The following WDR70 variants were observed in gnomAD, a reference collection of about 807,000 sequenced individuals.
WDR70 encodes the protein WD repeat-containing protein 70.
Under a neutral mutation model 88.6 loss-of-function variants are expected in WDR70, and 53 were observed. The ratio of observed to expected loss-of-function variants is 0.60; its 90% CI spans 0.48 to 0.75. The LOEUF is 0.75. Ranked by LOEUF, WDR70 falls within the 30% of genes least tolerant of loss-of-function variation. WDR70 has a pLI of 0.00. For synonymous variants in WDR70, 280 were observed against 270.0 expected, an observed-to-expected ratio of 1.04 and a Z score of -0.36; for missense variants, 610 against 823.2, an observed-to-expected ratio of 0.74 and a Z score of 3.17.
intron 10 of WDR70, among the ~76,000 whole-genome samples, chr5:37,682,567 C>G (rs1326997591): frequency 1.3e-5 from 2 of 151,974 alleles, no homozygotes; most frequent in Admixed American, 6.6e-5. Context: ...GGGTGTTTAG[C>G]GCTATAAATT....
At chr5:37,599,281 A>G (rs1743793148) in intron 9 of WDR70, among the ~76,000 whole-genome samples, 1 of 152,248 alleles carries the variant, frequency 6.6e-6, no homozygotes, top group African/African-American at 2.4e-5. Flanking sequence ...CAATTTTTAT[A>G]CATGTACACA....
intron 11 of WDR70, among the ~76,000 whole-genome samples, chr5:37,698,572 G>A (rs1027059606): frequency 6.6e-6 from 1 of 152,170 alleles, no homozygotes; most frequent in Non-Finnish European, 1.5e-5. Flanking sequence ...GCTATATTTA[G>A]CTATTCATTC....
At position 37,567,772 on chromosome 5, in the gene WDR70, T is replaced by G. The variant is rs142896736; in HGVS notation, c.918-37292T>G. 7.1e-4 allele frequency among the ~76,000 whole-genome samples: 108 copies of G among 152,258 alleles called. 3 individuals are homozygous for G. In the East Asian group the frequency reaches 0.02, roughly 28 times the overall value. ...TTTCAGCCTTGGCAGATCGCAGTGT[T>G]CTATCTTTGTCTCTAAAATCCACAT... On this transcript the variant is annotated intron_variant, in intron 9 of 17. Coordinates refer to ENST00000265107, the MANE Select transcript of WDR70 (RefSeq NM_018034.4).
intron 10 of WDR70, among the ~76,000 whole-genome samples, chr5:37,650,676 A>C (rs1745377071): frequency 6.6e-6 from 1 of 152,156 alleles, no homozygotes; most frequent in Non-Finnish European, 1.5e-5. Flanking sequence ...GAATAGAATG[A>C]GATTTTAATT....
intron 9 of WDR70, among the ~76,000 whole-genome samples, chr5:37,561,025 G>A (rs1742487970): frequency 6.6e-6 from 1 of 151,684 alleles, no homozygotes; most frequent in African/African-American, 2.4e-5. Context: ...CGGCCATGTG[G>A]TACACCTATG....
At chr5:37,723,182 A>G in intron 15 of WDR70, 1 of 501,034 alleles carries the variant, frequency 2.0e-6, no homozygotes, top group Non-Finnish European at 3.6e-6. Context: ...AGTCCAATAC[A>G]TTACTTTATA....
intron 7 of WDR70, among the ~76,000 whole-genome samples, chr5:37,444,935 G>A (rs1017181689): frequency 4.6e-5 from 7 of 152,094 alleles, no homozygotes; most frequent in Admixed American, 2.0e-4. Flanking sequence ...TATGAGAATC[G>A]AATGCTATTG....
intron 10 of WDR70, among the ~76,000 whole-genome samples, chr5:37,664,394 C>T (rs1745781889): frequency 6.6e-6 from 1 of 152,138 alleles, no homozygotes; most frequent in Admixed American, 6.5e-5. Context: ...ACCTATAGAT[C>T]CAAAAGTAAG....
At chr5:37,752,450 T>A (rs1748841776) in intron 17 of WDR70, 36 bp from the exon 18 acceptor site, 8 of 1,546,680 alleles carry the variant, frequency 5.2e-6, no homozygotes, top group South Asian at 3.5e-5. Context: ...ACTTTCTGAC[T>A]AAATTTTTCC....
At chr5:37,646,223 CATAA>C (rs1439980773) in intron 10 of WDR70, among the ~76,000 whole-genome samples, 2 of 152,154 alleles carry the variant, frequency 1.3e-5, no homozygotes, top group East Asian at 3.9e-4. Flanking sequence ...ACACTGATCT[CATAA>C]ATAAACTAAA....
chr5:37,718,233 C>T (rs1747707624), intron 13 of WDR70, among the ~76,000 whole-genome samples: 1 of 152,134 alleles, frequency 6.6e-6, no homozygotes, highest in Non-Finnish European at 1.5e-5. Context: ...CCCTGGAAAG[C>T]AATTGGACCT....
chr5:37,702,680 C>T (rs1747199857), intron 12 of WDR70, among the ~76,000 whole-genome samples: 1 of 152,104 alleles, frequency 6.6e-6, no homozygotes, highest in Non-Finnish European at 1.5e-5. Context: ...GTCTGACTGC[C>T]TAAGTTTGAA....
chr5:37,667,639 A>G (rs549761091), intron 10 of WDR70, among the ~76,000 whole-genome samples: 1 of 152,182 alleles, frequency 6.6e-6, no homozygotes, highest in East Asian at 1.9e-4. Context: ...AGCCTTATCC[A>G]TTTGTTTATG....
chr5:37,393,630 GTTGTT>G (rs1279619808), intron 4 of WDR70, among the ~76,000 whole-genome samples: 8 of 151,998 alleles, frequency 5.3e-5, no homozygotes, highest in Admixed American at 5.2e-4. Flanking sequence ...TTGGAAGCGT[GTTGTT>G]TTATTTTCAT....
chr5:37,550,719 G>A (rs1742116817), intron 9 of WDR70, among the ~76,000 whole-genome samples: 3 of 152,170 alleles, frequency 2.0e-5, no homozygotes, highest in Admixed American at 2.0e-4. Flanking sequence ...ATTGGAGAGT[G>A]TAGTCCACTT....
At position 37,392,125 on chromosome 5, in the gene WDR70, CT is replaced by C. The variant is rs1229984700; in HGVS notation, c.296+6del. 6.2e-6 allele frequency: 10 copies of C among 1,601,310 alleles called. No homozygotes were observed. Among genetic ancestry groups the C allele is most frequent in the Non-Finnish European group, 8.5e-6 (10 of 1,177,492 alleles). On this transcript the variant is annotated splice_donor_region_variant and intron_variant, in intron 4 of 17. Coordinates refer to ENST00000265107, the MANE Select transcript of WDR70 (RefSeq NM_018034.4). ...TTGCTCCAAATCATCTTCCAGGTGC[CT>C]GATTTTCAGAAAGACTTCTATTAAA...
chr5:37,493,365 C>G (rs1740124283), intron 8 of WDR70, among the ~76,000 whole-genome samples: 2 of 152,126 alleles, frequency 1.3e-5, no homozygotes, highest in Admixed American at 6.6e-5. Context: ...TCAGGGTCAG[C>G]AAAGGAGAAT....
rs376803754 is a variant in WDR70 at position 37,517,017 on chromosome 5, C to T, written c.917+427C>T. On this transcript the variant is annotated intron_variant, in intron 9 of 17. Transcript: ENST00000265107. Reference sequence around the variant, plus strand: ...GACTACAGGTGTGAACCACTGTGCCCGGCCTATATATTCTTGTTCTTTACT... The same window carrying T: ...GACTACAGGTGTGAACCACTGTGCCTGGCCTATATATTCTTGTTCTTTACT... Among the ~76,000 whole-genome samples, 7 of 151,894 alleles carry T rather than the reference C, an allele frequency of 4.6e-5. No individual in the cohort carries two copies. The South Asian group carries it at 1.2e-3, about 27-fold the overall frequency.
chr5:37,711,557 A>G (rs916598426), intron 13 of WDR70, among the ~76,000 whole-genome samples: 1 of 152,194 alleles, frequency 6.6e-6, no homozygotes, highest in African/African-American at 2.4e-5. Flanking sequence ...TGAAGATTAT[A>G]AAGTTACTGT....
Sources: allele counts gnomAD v4.1 joint callset (sites outside exome capture counted in the v4.1 genomes callset), GRCh38; gene constraint gnomAD v4.1.1; transcripts MANE v1.5; gene names NCBI Gene and HGNC (gene_info 2026-07-23, HGNC 2026-07-21).